Variants in ATAD3A observed in about 807,000 individuals in gnomAD.
ATAD3A encodes the protein ATPase family AAA domain containing 3A.
Under a neutral mutation model 73.8 loss-of-function variants are expected in ATAD3A, and 46 were observed. The ratio of observed to expected loss-of-function variants is 0.62; its 90% CI spans 0.49 to 0.80. The LOEUF is 0.80. Among genes scored for constraint, ATAD3A ranks in the 30% least tolerant of loss-of-function variants. The probability of loss-of-function intolerance (pLI) is 0.00; values close to 1 mark genes in which losing one functional copy is unlikely to be tolerated. For synonymous variants in ATAD3A, 319 were observed against 350.0 expected, an observed-to-expected ratio of 0.91 and a Z score of 0.99; for missense variants, 705 against 838.0, an observed-to-expected ratio of 0.84 and a Z score of 1.96.
chr1:1,525,660 C>T (rs780367970), intron 12 of ATAD3A, among the ~76,000 whole-genome samples: 11 of 152,114 alleles, frequency 7.2e-5, no homozygotes, highest in Non-Finnish European at 1.5e-4. Context: ...GTGATCCTCC[C>T]GCCTTGGCCT....
In ATAD3A at chr1:1,513,867, GCTC is replaced by G. The variant is rs532285198; in HGVS notation, c.205+1401_205+1403del. Among the ~76,000 whole-genome samples, 478 of 152,264 alleles carry G rather than the reference GCTC, an allele frequency of 3.1e-3. 2 individuals carry two copies. Among genetic ancestry groups the G allele is most frequent in the Middle Eastern group, 0.017 (5 of 294 alleles). ...TTGCTGCTCTCCAGGCAAACGGGCG[GCTC>G]CTCCTCACCGACTGCCTCCTCTGTC... On this transcript the variant is annotated intron_variant, in intron 1 of 15. Coordinates refer to ENST00000378756, the MANE Select transcript of ATAD3A (RefSeq NM_001170535.3).
intron 1 of ATAD3A, among the ~76,000 whole-genome samples, chr1:1,512,968 G>T (rs1193381291): frequency 6.6e-6 from 1 of 152,234 alleles, no homozygotes; most frequent in Non-Finnish European, 1.5e-5. Flanking sequence ...TGCACGGCGA[G>T]GTCTGTGAAG....
intron 13 of ATAD3A, among the ~76,000 whole-genome samples, chr1:1,526,818 G>T (rs962478758): frequency 3.9e-5 from 6 of 152,160 alleles, no homozygotes; most frequent in Non-Finnish European, 7.4e-5. Flanking sequence ...AGGTTTCTGC[G>T]GTCCTGTGCC....
Position 1,534,543 on chromosome 1 carries a change from A to G in ATAD3A, c.*471A>G. ...TTCCCCCTGTGGCCGGCATGCCCCG[A>G]TCTTTCACACACTGGTGACCCTGAG... is the stretch of plus-strand genomic sequence containing the variant. On this transcript the variant is annotated 3_prime_UTR_variant, in exon 16 of 16. Coordinates refer to ENST00000378756, the MANE Select transcript of ATAD3A (RefSeq NM_001170535.3). 2.4e-6 allele frequency: 1 copy of G among 411,774 alleles called. No homozygotes were observed. The allele number at this position is 411,774 out of a possible 1,614,324, so 25.5% of individuals were successfully genotyped here.
intron 7 of ATAD3A, among the ~76,000 whole-genome samples, chr1:1,521,872 G>A (rs192081356): frequency 1.7e-3 from 255 of 151,420 alleles, no homozygotes; most frequent in African/African-American, 5.7e-3. Context: ...GCTAATATAG[G>A]CCTGTGCCAC....
At chr1:1,529,985 G>A (rs1407819102) in intron 15 of ATAD3A, among the ~76,000 whole-genome samples, 6 of 152,252 alleles carry the variant, frequency 3.9e-5, no homozygotes, top group Non-Finnish European at 5.9e-5. Context: ...CACCTCTGGG[G>A]TCCGCAGAGT....
chr1:1,513,485 C>T (rs1570315416), intron 1 of ATAD3A, among the ~76,000 whole-genome samples: 1 of 151,300 alleles, frequency 6.6e-6, no homozygotes. Flanking sequence ...ACCCGCAGTC[C>T]GCTCTGCCGG....
rs760819756 is a variant in ATAD3A, at chr1:1,525,278, G to A, written c.1253G>A (p.Arg418Gln). The change falls in exon 12 of 16, where the codon CGG (arginine) becomes CAG (glutamine). Residue 418 changes from arginine (R) to glutamine (Q), a missense_variant. Arg to Gln is a conservative substitution (Grantham distance 43, BLOSUM62 1). Around this residue, in one of 5 missense-constraint regions of ATAD3A, gnomAD observed 252 missense variants for 278.5 expected, o/e 0.90. Coordinates refer to ENST00000378756, the MANE Select transcript of ATAD3A (RefSeq NM_001170535.3). The stretch of plus-strand genomic sequence containing the variant: ...GTGGATGAAGCGGACGCCTTCCTTC[G>A]GAAGCGAGCCACCGTGAGTGTCACT... ...LFVDEADAFLRKRATEKISED... is the reference protein window; with the variant it reads ...LFVDEADAFLQKRATEKISED... 130 of 1,613,730 alleles carry A rather than the reference G, an allele frequency of 8.1e-5. 2 individuals are homozygous for A. In the Admixed American group the frequency reaches 1.7e-3, roughly 22 times the overall value.
chr1:1,531,676 G>T (rs1241284750), intron 15 of ATAD3A, among the ~76,000 whole-genome samples: 1 of 146,054 alleles, frequency 6.8e-6, no homozygotes, highest in Admixed American at 6.8e-5. Flanking sequence ...TACTTGGGAG[G>T]CTGAGGCAGG....
chr1:1,519,508 G>A (rs1374619019), intron 5 of ATAD3A, among the ~76,000 whole-genome samples: 16 of 63,046 alleles, frequency 2.5e-4, no homozygotes, highest in East Asian at 3.1e-4. Context: ...GATTACAGGC[G>A]TGAGCCTCTG....
rs1641487779 is a variant in ATAD3A at position 1,518,930 on chromosome 1, A to G, written c.454A>G (p.Asn152Asp). The G allele has an allele frequency of 2.5e-6, 4 of 1,614,008 alleles. No individual in the cohort carries two copies. Among genetic ancestry groups the G allele is most frequent in the Non-Finnish European group, 3.4e-6 (4 of 1,179,930 alleles). Residue 152 changes from asparagine (N) to aspartate (D), a missense_variant, in exon 5 of 16, where the codon AAT becomes GAT. Around this residue, in one of 5 missense-constraint regions of ATAD3A, gnomAD observed 315 missense variants for 334.1 expected, o/e 0.94. Transcript: ENST00000378756. ...TGCGGCTTCTTCTCAGCAACTTCTC[A>G]ATGAGGAGAATTTACGGAAGCAGGA... The part of the protein sequence containing the change: ...EDQLKQQQLL[N>D]EENLRKQEES...
chr1:1,530,852 A>C (rs1642010096), intron 15 of ATAD3A, among the ~76,000 whole-genome samples: 2 of 146,352 alleles, frequency 1.4e-5, no homozygotes, highest in South Asian at 2.2e-4. Flanking sequence ...AAAAAAAAAA[A>C]AAACTAAGAA....
intron 14 of ATAD3A, among the ~76,000 whole-genome samples, chr1:1,528,234 A>T (rs1325209250): frequency 6.6e-6 from 1 of 152,142 alleles, no homozygotes; most frequent in East Asian, 1.9e-4. Context: ...AAGTGCAGGG[A>T]TTACAGATGT....
At chr1:1,532,837 C>T (rs1228991086) in intron 15 of ATAD3A, among the ~76,000 whole-genome samples, 1 of 151,966 alleles carries the variant, frequency 6.6e-6, no homozygotes, top group African/African-American at 2.4e-5. Context: ...CTCCCAGGCC[C>T]CTGACCCACA....
chr1:1,521,405 A>G (rs986399798), intron 7 of ATAD3A, among the ~76,000 whole-genome samples: 1 of 151,346 alleles, frequency 6.6e-6, no homozygotes, highest in African/African-American at 2.4e-5. Flanking sequence ...TGAAGTTCAC[A>G]GATTCTTCTC....
Position 1,527,667 on chromosome 1 carries a change from C to G in ATAD3A, c.1338-28C>G, listed in dbSNP as rs376722971. The G allele has an allele frequency of 4.4e-6, 7 of 1,588,142 alleles. No individual in the cohort carries two copies. In the African/African-American group the frequency reaches 9.5e-5, roughly 21 times the overall value. On this transcript the variant is annotated intron_variant, in intron 13 of 15. Coordinates refer to ENST00000378756, the MANE Select transcript of ATAD3A (RefSeq NM_001170535.3). ...GGTGCAGCTCGGCCGGCAGCCCCAG[C>G]ATCCTCATCCTCATCCCCGCCCCGC...
At chr1:1,533,446 G>A (rs1642103351) in intron 15 of ATAD3A, among the ~76,000 whole-genome samples, 1 of 152,174 alleles carries the variant, frequency 6.6e-6, no homozygotes. Context: ...TGCTCAGGAG[G>A]ACAGGGAGGT....
At chr1:1,529,472 C>T (rs1487044004) in intron 15 of ATAD3A, 141 bp downstream of exon 15, 21 of 1,449,466 alleles carry the variant, frequency 1.4e-5, no homozygotes, top group Middle Eastern at 5.0e-4. Context: ...TGACACAGGG[C>T]CCCCTGCCCC....
chr1:1,518,156 CACA>C (rs552183498), intron 4 of ATAD3A, among the ~76,000 whole-genome samples: 27 of 150,988 alleles, frequency 1.8e-4, no homozygotes, highest in African/African-American at 6.6e-4. Flanking sequence ...CATACCCCCA[CACA>C]ACACGGGCAG....
Sources: gnomAD v4.1 joint callset for allele counts (sites outside exome capture counted in the v4.1 genomes callset) on GRCh38, gnomAD v4.1.1 for gene constraint, gnomAD v4.1.1 regional missense constraint, MANE v1.5 for transcripts, NCBI Gene and HGNC (gene_info 2026-07-23, HGNC 2026-07-21) for gene names.